The following PSD3 variants were observed in gnomAD, a reference collection of about 807,000 sequenced individuals.
The protein encoded by PSD3 is pleckstrin and Sec7 domain containing 3.
PSD3 carries 49 observed loss-of-function variants against 105.5 expected under a neutral mutation model. The ratio of observed to expected loss-of-function variants is 0.46; its 90% CI spans 0.37 to 0.59. The LOEUF (loss-of-function observed/expected upper bound fraction) is 0.59. PSD3 is among the 20% of genes least tolerant of loss of function. The pLI, the probability that PSD3 is intolerant of heterozygous loss-of-function variation, is 0.00. For synonymous variants in PSD3, 557 were observed against 457.8 expected, an observed-to-expected ratio of 1.22 and a Z score of -2.77; for missense variants, 1,561 against 1,263.8, an observed-to-expected ratio of 1.24 and a Z score of -3.57.
At chr8:18,874,758 T>C (rs1339193266) in intron 2 of PSD3, among the ~76,000 whole-genome samples, 1 of 151,016 alleles carries the variant, frequency 6.6e-6, no homozygotes, top group Non-Finnish European at 1.5e-5. Context: ...AAACATCAGT[T>C]ATCCTAATAA....
At chr8:18,938,079 G>A (rs976966199) in intron 1 of PSD3, among the ~76,000 whole-genome samples, 1 of 152,180 alleles carries the variant, frequency 6.6e-6, no homozygotes, top group Admixed American at 6.5e-5. Context: ...GGTTTGATGG[G>A]AAGCCACTGA....
At chr8:18,752,609 A>AATTATATATATTATATATTATATAT in intron 9 of PSD3, among the ~76,000 whole-genome samples, 1 of 61,124 alleles carries the variant, frequency 1.6e-5, no homozygotes, top group South Asian at 5.2e-4. Context: ...ATTATATATA[A>AATTATATATATTATATATTATATAT]TACATATAAT....
At chr8:19,006,656 T>C (rs1252327188) in intron 1 of PSD3, among the ~76,000 whole-genome samples, 1 of 152,020 alleles carries the variant, frequency 6.6e-6, no homozygotes, top group Non-Finnish European at 1.5e-5. Context: ...GAGTAAGACC[T>C]TTTTCCTCTG....
At chr8:18,545,814 T>G (rs1372963707) in intron 15 of PSD3, among the ~76,000 whole-genome samples, 1 of 152,154 alleles carries the variant, frequency 6.6e-6, no homozygotes, top group Non-Finnish European at 1.5e-5. Context: ...AGCTTGTGTG[T>G]CACACTCACA....
chr8:18,572,700 G>A, intron 13 of PSD3, 28 bp from the exon 14 acceptor site: 2 of 1,606,136 alleles, frequency 1.2e-6, no homozygotes, highest in East Asian at 2.2e-5. Context: ...GTTTATATCA[G>A]GATATTGCCA....
At chr8:18,721,269 C>T (rs185525455) in intron 9 of PSD3, 38 of 151,730 alleles carry the variant, frequency 2.5e-4, no homozygotes, top group African/African-American at 9.2e-4. Flanking sequence ...AAAAAAAAAC[C>T]TGCCAATGTT....
chr8:18,671,492 G>A (rs936223445), intron 9 of PSD3, among the ~76,000 whole-genome samples: 1 of 152,152 alleles, frequency 6.6e-6, no homozygotes, highest in African/African-American at 2.4e-5. Flanking sequence ...TATGATCTGA[G>A]TGAATCACTT....
chr8:18,618,724 A>G (rs143781187), intron 11 of PSD3, among the ~76,000 whole-genome samples: 1 of 151,428 alleles, frequency 6.6e-6, no homozygotes, highest in Admixed American at 6.6e-5. Flanking sequence ...CTATTTTTGT[A>G]AGACGGAGTG....
intron 15 of PSD3, among the ~76,000 whole-genome samples, chr8:18,550,675 C>T (rs1800708750): frequency 6.6e-6 from 1 of 152,076 alleles, no homozygotes; most frequent in Admixed American, 6.5e-5. Context: ...TATTGAATAC[C>T]TCACGTAATA....
At chr8:18,617,681 A>C (rs1805796414) in intron 11 of PSD3, among the ~76,000 whole-genome samples, 1 of 152,202 alleles carries the variant, frequency 6.6e-6, no homozygotes, top group Non-Finnish European at 1.5e-5. Context: ...CATGACAGAA[A>C]GGGGGTGTTG....
At chr8:18,797,388 A>G (rs1277280064) in intron 8 of PSD3, among the ~76,000 whole-genome samples, 8 of 152,154 alleles carry the variant, frequency 5.3e-5, no homozygotes. Flanking sequence ...TCAAGGTAAT[A>G]TTAAAATGTT....
chr8:18,610,646 AT>A lies in PSD3; in HGVS notation c.2411-10213del, dbSNP rs141992460. On this transcript the variant is annotated intron_variant, in intron 11 of 15. Transcript: ENST00000327040. ...TACCTATTGCTTTTCCCAGAAAATTATTTCCTTTTCTTATATAATAGCAACC... is the reference window on the plus strand; with the variant it reads ...TACCTATTGCTTTTCCCAGAAAATTATTCCTTTTCTTATATAATAGCAACC... Among the ~76,000 whole-genome samples, 602 of 152,280 alleles carry A rather than the reference AT, an allele frequency of 4.0e-3. 8 individuals carry two copies. The highest frequency in any genetic ancestry group is 0.016 in the East Asian group (81 of 5,188).
At chr8:18,891,921 A>C (rs1159708702) in intron 2 of PSD3, among the ~76,000 whole-genome samples, 1 of 152,162 alleles carries the variant, frequency 6.6e-6, no homozygotes, top group Non-Finnish European at 1.5e-5. Flanking sequence ...CTTTTTACAA[A>C]AGAAGAATAT....
At chr8:18,868,631 G>A (rs1214675925) in intron 3 of PSD3, among the ~76,000 whole-genome samples, 1 of 152,146 alleles carries the variant, frequency 6.6e-6, no homozygotes, top group African/African-American at 2.4e-5. Context: ...CCAATTAACG[G>A]CCTAACAAAA....
intron 2 of PSD3, among the ~76,000 whole-genome samples, chr8:18,919,173 T>A (rs1820826632): frequency 6.6e-6 from 1 of 152,156 alleles, no homozygotes; most frequent in African/African-American, 2.4e-5. Flanking sequence ...CCAGGTGATC[T>A]CTTCCGGGGC....
intron 4 of PSD3, among the ~76,000 whole-genome samples, chr8:18,807,488 G>A (rs145510985): frequency 9.8e-5 from 15 of 152,342 alleles, no homozygotes; most frequent in African/African-American, 3.6e-4. Flanking sequence ...ATTCCCAGAT[G>A]ATACCATGGG....
Position 18,556,151 on chromosome 8 carries a change from G to A in PSD3, c.2928+58C>T, listed in dbSNP as rs1001839747. On this transcript the variant is annotated intron_variant, in intron 15 of 15. Transcript: ENST00000327040. ...ACTGCAAAGAAAGATACCGCCTCAT[G>A]GACAGATCATAAGAAAACTCAGAAA... 40 of 1,586,832 alleles carry A rather than the reference G, an allele frequency of 2.5e-5. No individual in the cohort carries two copies. In the Admixed American group the frequency reaches 6.5e-4, roughly 26 times the overall value.
intron 1 of PSD3, among the ~76,000 whole-genome samples, chr8:19,074,449 G>A (rs1829379983): frequency 1.3e-5 from 2 of 151,758 alleles, no homozygotes; most frequent in Admixed American, 1.3e-4. Context: ...CTCCAGTGTT[G>A]TCTTAAATGA....
intron 9 of PSD3, among the ~76,000 whole-genome samples, chr8:18,724,336 G>C (rs1009046267): frequency 2.6e-5 from 4 of 152,186 alleles, no homozygotes; most frequent in Admixed American, 2.6e-4. Context: ...GTTGGGCCAG[G>C]TGTGGTGGCT....
Sources: gnomAD v4.1 joint callset for allele counts (sites outside exome capture counted in the v4.1 genomes callset) on GRCh38, gnomAD v4.1.1 for gene constraint, MANE v1.5 for transcripts, NCBI Gene and HGNC (gene_info 2026-07-23, HGNC 2026-07-21) for gene names.